GTF3C4: variants seen among roughly 807,000 people sequenced by gnomAD.
GTF3C4 encodes general transcription factor IIIC subunit 4, also known as general transcription factor 3C polypeptide 4.
GTF3C4 carries 28 observed loss-of-function variants against 67.5 expected under a neutral mutation model. The ratio of observed to expected loss-of-function variants is 0.41; its 90% CI spans 0.31 to 0.57. GTF3C4 has a LOEUF of 0.57. GTF3C4 is among the 20% of genes least tolerant of loss of function. The pLI is 0.21. For missense variants in GTF3C4, 831 were observed against 1,033.2 expected, an observed-to-expected ratio of 0.80 and a Z score of 2.68; for synonymous variants, 409 against 393.0, an observed-to-expected ratio of 1.04 and a Z score of -0.48.
chr9:132,678,423 C>A lies in GTF3C4; in HGVS notation c.804C>A (p.Cys268Ter). Residue 268 changes from cysteine (C) to a stop codon, truncating the protein, a stop_gained, in exon 2 of 5, where the codon TGC (cysteine) becomes TGA (stop). Coordinates refer to ENST00000372146, the MANE Select transcript of GTF3C4 (RefSeq NM_012204.4). LOFTEE classifies it high-confidence loss of function. This position sits in a 1 kb window ranked among gnomAD's most constrained non-coding sequence, Gnocchi z 6.5. Reference protein sequence around the residue: ...TTQQVKHNNECRDVGSVLLAV... With the variant: ...TTQQVKHNNE The stretch of plus-strand genomic sequence containing the variant: ...AGCAGGTCAAGCATAACAACGAATG[C>A]CGGGACGTTGGCAGTGTGCTCCTGG... 1 of 1,614,156 alleles carries A rather than the reference C, an allele frequency of 6.2e-7. No homozygotes were observed. Among genetic ancestry groups the A allele is most frequent in the Non-Finnish European group, 8.5e-7 (1 of 1,180,022 alleles).
At chr9:132,685,824 T>A (rs1312503442) in intron 3 of GTF3C4, among the ~76,000 whole-genome samples, 1 of 152,250 alleles carries the variant, frequency 6.6e-6, no homozygotes, top group Non-Finnish European at 1.5e-5. Flanking sequence ...ATTATGGTGG[T>A]TGTGAAAATA....
intron 3 of GTF3C4, among the ~76,000 whole-genome samples, chr9:132,685,276 C>T (rs894072568): frequency 6.6e-6 from 1 of 151,924 alleles, no homozygotes; most frequent in Non-Finnish European, 1.5e-5. Context: ...CCACCTTGGC[C>T]TCCCAGAGTG....
At position 132,670,974 on chromosome 9, in the gene GTF3C4, T is replaced by C. The variant is rs2130889485; in HGVS notation, c.357+19T>C. ...CCTCAAAGTAAGTCATCCCCCGCCATCCCTGGGGTCTTCCCCTGTCCCCCT... is the reference window on the plus strand; with the variant it reads ...CCTCAAAGTAAGTCATCCCCCGCCACCCCTGGGGTCTTCCCCTGTCCCCCT... On this transcript the variant is annotated intron_variant, in intron 1 of 4. Transcript: ENST00000372146. 1 of 1,527,522 alleles carries C rather than the reference T, an allele frequency of 6.5e-7. No homozygotes were observed. The highest frequency in any genetic ancestry group is 9.1e-7 in the Non-Finnish European group (1 of 1,103,376). 94.6% of individuals were successfully genotyped at this position (1,527,522 alleles called of 1,614,324 possible).
intron 1 of GTF3C4, among the ~76,000 whole-genome samples, chr9:132,671,518 C>T (rs932824063): frequency 6.6e-6 from 1 of 152,156 alleles, no homozygotes; most frequent in Non-Finnish European, 1.5e-5. Context: ...AATACTGGAT[C>T]TCGGGGTTTG....
At chr9:132,671,808 G>T (rs1196433633) in intron 1 of GTF3C4, among the ~76,000 whole-genome samples, 2 of 152,130 alleles carry the variant, frequency 1.3e-5, no homozygotes, top group Non-Finnish European at 2.9e-5. Context: ...GTACAAAACA[G>T]AACCCCTGCC....
In GTF3C4 at chr9:132,679,404, C is replaced by G; in HGVS notation, c.1785C>G (p.Ala595=). The change falls in exon 2 of 5, where the codon GCC becomes GCG. Residue 595 remains alanine, a synonymous_variant. Transcript: ENST00000372146. This position sits in a 1 kb window ranked among gnomAD's most constrained non-coding sequence, Gnocchi z 5.9. ...CAATGCAGAAAACCCCTTCAGAAGC[C>G]TTGTGGAAACCCACCCATGAGGACT... ...YQSMQKTPSE[A]LWKPTHEDSK... 1 of 1,614,124 alleles carries G rather than the reference C, an allele frequency of 6.2e-7. No individual in the cohort carries two copies. Among genetic ancestry groups the G allele is most frequent in the Non-Finnish European group, 8.5e-7 (1 of 1,180,028 alleles).
chr9:132,670,162 C>T (rs772507863), upstream of GTF3C4: 1 of 1,593,960 alleles, frequency 6.3e-7, no homozygotes, highest in Non-Finnish European at 8.6e-7. Flanking sequence ...TCTCTGCGTC[C>T]CTCGCGGCCT....
chr9:132,677,394 T>C (rs755228195), intron 1 of GTF3C4, among the ~76,000 whole-genome samples: 11 of 152,044 alleles, frequency 7.2e-5, no homozygotes, highest in Non-Finnish European at 8.8e-5. Context: ...AGAATGAGAC[T>C]CTGTCTTACT....
At position 132,679,639 on chromosome 9, in the gene GTF3C4, G is replaced by A. The variant is rs1360870586; in HGVS notation, c.2020G>A (p.Gly674Arg). ...GGAAGAGAAACTCCTGGAAATCCAA[G>A]GGAAAATCGAAGCTGTGGAGATGCA... is the stretch of plus-strand genomic sequence containing the variant. Reference protein sequence around the residue: ...PMEEKLLEIQGKIEAVEMHLT... With the variant: ...PMEEKLLEIQRKIEAVEMHLT... Residue 674 changes from glycine (G) to arginine (R), a missense_variant, in exon 2 of 5, where the codon GGG becomes AGG. Around this residue, in one of 4 missense-constraint regions of GTF3C4, gnomAD observed 129 missense variants for 213.8 expected, o/e 0.60. Coordinates refer to ENST00000372146, the MANE Select transcript of GTF3C4 (RefSeq NM_012204.4). This position sits in a 1 kb window ranked among gnomAD's most constrained non-coding sequence, Gnocchi z 5.9. 6.2e-7 allele frequency: 1 copy of A among 1,614,048 alleles called. No homozygotes were observed. Among genetic ancestry groups the A allele is most frequent in the African/African-American group, 1.3e-5 (1 of 74,910 alleles).
chr9:132,678,498 G>A lies in GTF3C4; in HGVS notation c.879G>A (p.Pro293=), dbSNP rs764760396. ...GNIAVWQFQL[P]FVGKESISSC... ...TCGCCGTGTGGCAGTTTCAGCTGCC[G>A]TTTGTAGGAAAAGAATCCATCTCTT... The change falls in exon 2 of 5, where the codon CCG becomes CCA. Residue 293 remains proline, a synonymous_variant. Transcript: ENST00000372146. The surrounding 1 kb of genome is among the most constrained non-coding windows in gnomAD (Gnocchi z 6.5). The A allele has an allele frequency of 7.4e-6, 12 of 1,614,070 alleles. No individual in the cohort carries two copies. Among genetic ancestry groups the A allele is most frequent in the Middle Eastern group, 3.3e-4 (2 of 6,084 alleles).
At chr9:132,675,337 C>T (rs1028317804) in intron 1 of GTF3C4, among the ~76,000 whole-genome samples, 3 of 152,082 alleles carry the variant, frequency 2.0e-5, no homozygotes, top group Non-Finnish European at 4.4e-5. Context: ...TAGAAAGCAC[C>T]GGGCTTTGAT....
chr9:132,680,849 G>A (rs183801111), intron 2 of GTF3C4, among the ~76,000 whole-genome samples: 7 of 152,282 alleles, frequency 4.6e-5, no homozygotes, highest in Non-Finnish European at 5.9e-5. Context: ...GGTGGCTCAC[G>A]CCTGTAATCC....
chr9:132,679,362 G>A lies in GTF3C4; in HGVS notation c.1743G>A (p.Leu581=). 6.2e-7 allele frequency: 1 copy of A among 1,614,134 alleles called. No homozygotes were observed. The part of the protein sequence containing the change: ...TYFWRFKLFL[L]RILYQSMQKT... ...TTTGGCGTTTTAAGCTTTTCCTCCT[G>A]AGGATTTTATATCAGTCAATGCAGA... The change falls in exon 2 of 5, where the codon CTG becomes CTA. Residue 581 remains leucine, a synonymous_variant. Coordinates refer to ENST00000372146, the MANE Select transcript of GTF3C4 (RefSeq NM_012204.4). The surrounding 1 kb of genome is among the most constrained non-coding windows in gnomAD (Gnocchi z 5.9).
At chr9:132,675,092 C>T (rs928549003) in intron 1 of GTF3C4, among the ~76,000 whole-genome samples, 3 of 152,178 alleles carry the variant, frequency 2.0e-5, no homozygotes, top group East Asian at 1.9e-4. Context: ...CTTTATTGAG[C>T]GCTTAATATA....
At chr9:132,683,726 A>T in intron 3 of GTF3C4, 33 bp downstream of exon 3, 2 of 1,589,484 alleles carry the variant, frequency 1.3e-6, no homozygotes, top group Non-Finnish European at 1.7e-6. Flanking sequence ...ACTTCTGCTC[A>T]TTTTTCAGTT....
chr9:132,685,583 G>A (rs1836014672), intron 3 of GTF3C4, among the ~76,000 whole-genome samples: 1 of 151,712 alleles, frequency 6.6e-6, no homozygotes, highest in Non-Finnish European at 1.5e-5. Context: ...GAACTCCTGG[G>A]CTCCAGTGAT....
intron 3 of GTF3C4, among the ~76,000 whole-genome samples, chr9:132,685,414 A>G (rs1180937712): frequency 6.6e-6 from 1 of 152,228 alleles, no homozygotes; most frequent in Admixed American, 6.5e-5. Context: ...CTACAAAGAT[A>G]ACATTCTTAA....
upstream of GTF3C4, chr9:132,670,068 C>T (rs1164910008): frequency 1.8e-5 from 28 of 1,562,986 alleles, no homozygotes; most frequent in Non-Finnish European, 2.3e-5. Flanking sequence ...GCTGTACGGA[C>T]TCGTCCCGAG....
In GTF3C4 at chr9:132,683,581, T is replaced by A. The variant is rs1835980471; in HGVS notation, c.2203T>A (p.Ser735Thr). The A allele has an allele frequency of 1.2e-6, 2 of 1,612,564 alleles. No homozygotes were observed. Among genetic ancestry groups the A allele is most frequent in the East Asian group, 4.5e-5 (2 of 44,776 alleles). ...TTACTAGGTGCTGATTGGACATATC[T>A]CAAAGAAGATGAACAAACAGACTTT... ...RTARVLIGHISKKMNKQTFPE... is the reference protein window; with the variant it reads ...RTARVLIGHITKKMNKQTFPE... Residue 735 changes from serine (S) to threonine (T), a missense_variant, in exon 3 of 5, where the codon TCA (serine) becomes ACA (threonine). Physicochemically the swap from Ser to Thr is moderately conservative, Grantham distance 58. This residue lies in a region of GTF3C4 where 129 missense variants were observed against 213.8 expected (regional missense o/e 0.60). Coordinates refer to ENST00000372146, the MANE Select transcript of GTF3C4 (RefSeq NM_012204.4).
Sources: allele counts gnomAD v4.1 joint callset (sites outside exome capture counted in the v4.1 genomes callset), GRCh38; gene constraint gnomAD v4.1.1; regional missense constraint gnomAD v4.1.1; non-coding constraint Gnocchi (gnomAD v3.1); transcripts MANE v1.5; gene names NCBI Gene and HGNC (gene_info 2026-07-23, HGNC 2026-07-21).